Variants in PZP observed in about 807,000 individuals in gnomAD.
PZP encodes pregnancy zone protein.
Under a neutral mutation model 179.8 loss-of-function variants are expected in PZP, and 150 were observed. The observed-to-expected ratio is 0.83, with a 90% CI of 0.73 to 0.96. The LOEUF (loss-of-function observed/expected upper bound fraction) is 0.96, where lower values mean the gene tolerates loss of function less well. PZP is among the 40% of genes least tolerant of loss of function. The probability of loss-of-function intolerance (pLI) is 0.00; values close to 1 mark genes in which losing one functional copy is unlikely to be tolerated. For missense variants in PZP, 1,689 were observed against 1,764.0 expected (o/e 0.96, Z 0.76); for synonymous variants, 624 against 652.3 (o/e 0.96, Z 0.66).
rs778594485 is a variant in PZP, at chr12:9,160,438, T to A, written c.2925A>T (p.Pro975=). The part of the protein sequence containing the change: ...MQNIQNLLQM[P]YGCGEQNMVL... ...CCATGTTCTGTTCTCCACAGCCATA[T>A]GGCATCTGGAGGAGATTTTGTATAT... The change falls in exon 24 of 36, where the codon CCA becomes CCT. Residue 975 remains proline (P), a synonymous_variant. Coordinates refer to ENST00000261336, the MANE Select transcript of PZP (RefSeq NM_002864.3). The A allele has an allele frequency of 1.9e-6, 3 of 1,614,042 alleles. No individual in the cohort carries two copies. The highest frequency in any genetic ancestry group is 2.5e-6 in the Non-Finnish European group (3 of 1,179,854).
At chr12:9,177,331 C>T (rs1280333167) in intron 15 of PZP, among the ~76,000 whole-genome samples, 1 of 152,202 alleles carries the variant, frequency 6.6e-6, no homozygotes, top group African/African-American at 2.4e-5. Context: ...CTGAGGCCTC[C>T]TGCCAATAGC....
At chr12:9,192,332 C>T (rs769867947) in intron 12 of PZP, 76 bp from the exon 13 acceptor site, 96 of 1,436,794 alleles carry the variant, frequency 6.7e-5, no homozygotes, top group Non-Finnish European at 8.8e-5. Flanking sequence ...ACATGACCCA[C>T]TTTCAGTTGT....
chr12:9,169,378 T>C, intron 16 of PZP, 52 bp downstream of exon 16: 1 of 1,455,306 alleles, frequency 6.9e-7, no homozygotes, highest in Non-Finnish European at 9.3e-7. Context: ...AGAGTTTTAT[T>C]AACATTCAAA....
At chr12:9,189,633 T>A (rs1314831167) in intron 13 of PZP, among the ~76,000 whole-genome samples, 2 of 152,156 alleles carry the variant, frequency 1.3e-5, no homozygotes, top group African/African-American at 4.8e-5. Context: ...ATGCAAACAT[T>A]GACAAATGGG....
At chr12:9,176,097 G>GT (rs1456153737) in intron 15 of PZP, among the ~76,000 whole-genome samples, 1 of 152,130 alleles carries the variant, frequency 6.6e-6, no homozygotes, top group East Asian at 1.9e-4. Flanking sequence ...AGAAAATGTG[G>GT]TACATATACA....
intron 27 of PZP, 39 bp downstream of exon 27, chr12:9,157,728 A>G: frequency 3.8e-6 from 6 of 1,570,854 alleles, no homozygotes; most frequent in Non-Finnish European, 5.3e-6. Context: ...GCAAATCTAC[A>G]GTTTTCATGG....
chr12:9,196,506 G>A lies in PZP; in HGVS notation c.982+65C>T, dbSNP rs1288294272. The stretch of plus-strand genomic sequence containing the variant: ...GTCATAAAATTTCTTTCTTACAAAT[G>A]ACCTTTATTTTGTTATGGAAAGTAA... On this transcript the variant is annotated intron_variant, in intron 9 of 35. Coordinates refer to ENST00000261336, the MANE Select transcript of PZP (RefSeq NM_002864.3). 1.1e-5 allele frequency: 17 copies of A among 1,569,570 alleles called. No homozygotes were observed. The East Asian group carries it at 3.8e-4, about 35-fold the overall frequency.
downstream of PZP, among the ~76,000 whole-genome samples, chr12:9,144,739 C>G (rs1202724539): frequency 6.6e-6 from 1 of 152,104 alleles, no homozygotes; most frequent in Admixed American, 6.5e-5. Context: ...GTTGGAATGT[C>G]TCTGGTCAGA....
chr12:9,157,229 G>A lies in PZP; in HGVS notation c.3496C>T (p.Gln1166Ter), dbSNP rs1233516893. The A allele has an allele frequency of 6.2e-7, 1 of 1,614,050 alleles. No individual in the cohort carries two copies. Among genetic ancestry groups the A allele is most frequent in the Non-Finnish European group, 8.5e-7 (1 of 1,179,972 alleles). The change falls in exon 28 of 36, where the codon CAA (glutamine) becomes TAA (stop). Residue 1166 changes from glutamine to a stop codon, truncating the protein, a stop_gained. Coordinates refer to ENST00000261336, the MANE Select transcript of PZP (RefSeq NM_002864.3). LOFTEE classifies it high-confidence loss of function. Reference sequence around the variant, plus strand: ...TTCAGTATTTCTCTATTCTGATTTTGCTTTCCCAGTAGGGAAAAAGCATAG... The same window carrying A: ...TTCAGTATTTCTCTATTCTGATTTTACTTTCCCAGTAGGGAAAAAGCATAG... ...LAYAFSLLGK[Q>*]NQNREILNSL...
At chr12:9,167,328 C>G (rs1941654007) in intron 17 of PZP, 1 of 152,224 alleles carries the variant, frequency 6.6e-6, no homozygotes, top group African/African-American at 2.4e-5. Context: ...CCTTCCTACT[C>G]TTACTGTCAA....
At chr12:9,193,865 GATA>G (rs1179953736) in intron 11 of PZP, among the ~76,000 whole-genome samples, 2 of 152,018 alleles carry the variant, frequency 1.3e-5, no homozygotes, top group Non-Finnish European at 2.9e-5. Flanking sequence ...AAATGTTACA[GATA>G]ATGATAGTGA....
intron 7 of PZP, among the ~76,000 whole-genome samples, chr12:9,197,609 AT>A (rs1943873052): frequency 9.7e-6 from 1 of 102,612 alleles, no homozygotes; most frequent in African/African-American, 4.0e-5. Flanking sequence ...TATAATATAT[AT>A]TATATATTTA....
intron 7 of PZP, among the ~76,000 whole-genome samples, chr12:9,197,541 G>A (rs1943862041): frequency 8.6e-6 from 1 of 116,536 alleles, no homozygotes; most frequent in African/African-American, 3.4e-5. Flanking sequence ...AATTATTAGA[G>A]TACTGATTAA....
At chr12:9,155,431 T>G (rs1205865463) in intron 28 of PZP, among the ~76,000 whole-genome samples, 1 of 152,194 alleles carries the variant, frequency 6.6e-6, no homozygotes, top group South Asian at 2.1e-4. Context: ...AGCATGTTCT[T>G]TCCTGCTAAT....
In PZP at chr12:9,196,621, C is replaced by T. The variant is rs747161093; in HGVS notation, c.932G>A (p.Gly311Asp). Reference sequence around the variant, plus strand: ...TTCCACTCTAAGCTTCATTTCAAAGCCCGTATTTGTAATCTGGAGCATTTT... The same window carrying T: ...TTCCACTCTAAGCTTCATTTCAAAGTCCGTATTTGTAATCTGGAGCATTTT... ...HTKMLQITNT[G>D]FEMKLRVEAR... The change falls in exon 9 of 36, where the codon GGC becomes GAC. Residue 311 changes from glycine to aspartate, a missense_variant. Around this residue, in one of 3 missense-constraint regions of PZP, gnomAD observed 742 missense variants for 730.5 expected, o/e 1.02. Transcript: ENST00000261336. The T allele has an allele frequency of 5.0e-6, 8 of 1,613,730 alleles. No individual in the cohort carries two copies. Among genetic ancestry groups the T allele is most frequent in the African/African-American group, 1.3e-5 (1 of 74,908 alleles).
In PZP at chr12:9,193,697, G is replaced by A. The variant is rs748288258; in HGVS notation, c.1254+380C>T. The stretch of plus-strand genomic sequence containing the variant: ...TAGCTAGGGAAATCTTTTGATCATC[G>A]TCATTAGACAGTGTATATTAAGTGT... On this transcript the variant is annotated intron_variant, in intron 11 of 35. Transcript: ENST00000261336. 3.3e-5 allele frequency among the ~76,000 whole-genome samples: 5 copies of A among 152,154 alleles called. No individual in the cohort carries two copies. In the South Asian group the frequency reaches 8.3e-4, roughly 25 times the overall value.
chr12:9,156,872 T>C (rs1253605099), intron 28 of PZP, among the ~76,000 whole-genome samples: 2 of 152,088 alleles, frequency 1.3e-5, no homozygotes, highest in African/African-American at 4.8e-5. Flanking sequence ...GCTCTCACCT[T>C]TTTTTGCACA....
chr12:9,183,554 C>T (rs1942911649), intron 13 of PZP, among the ~76,000 whole-genome samples: 1 of 152,088 alleles, frequency 6.6e-6, no homozygotes, highest in African/African-American at 2.4e-5. Flanking sequence ...TGCACAACAC[C>T]ACGTTTGGCT....
chr12:9,149,703 T>C (rs1376827528), intron 34 of PZP, 101 bp from the exon 35 acceptor site: 4 of 1,090,758 alleles, frequency 3.7e-6, no homozygotes, highest in Non-Finnish European at 5.3e-6. Flanking sequence ...AAGCACGCCC[T>C]ATCAGAATTG....
Sources: gnomAD v4.1 joint callset for allele counts (sites outside exome capture counted in the v4.1 genomes callset) on GRCh38, gnomAD v4.1.1 for gene constraint, gnomAD v4.1.1 regional missense constraint, MANE v1.5 for transcripts, NCBI Gene and HGNC (gene_info 2026-07-23, HGNC 2026-07-21) for gene names.